Variants in TRAPPC9 observed in about 807,000 individuals in gnomAD.
The protein encoded by TRAPPC9 is trafficking protein particle complex subunit 9.
Under a neutral mutation model 124.0 loss-of-function variants are expected in TRAPPC9, and 83 were observed. That is an observed-to-expected ratio of 0.67 (90% CI 0.56 to 0.80). The LOEUF (loss-of-function observed/expected upper bound fraction) is 0.80, where lower values mean the gene tolerates loss of function less well. Among genes scored for constraint, TRAPPC9 ranks in the 30% least tolerant of loss-of-function variants. The probability of loss-of-function intolerance (pLI) is 0.00; values close to 1 mark genes in which losing one functional copy is unlikely to be tolerated. For synonymous variants in TRAPPC9, 638 were observed against 617.5 expected, an observed-to-expected ratio of 1.03 and a Z score of -0.49; for missense variants, 1,302 against 1,508.3, an observed-to-expected ratio of 0.86 and a Z score of 2.27.
At chr8:140,387,854 C>T (rs187674115) in intron 7 of TRAPPC9, among the ~76,000 whole-genome samples, 85 of 152,204 alleles carry the variant, frequency 5.6e-4, no homozygotes, top group Non-Finnish European at 1.1e-3. Flanking sequence ...TACCATTTGA[C>T]CCAGCCATAC....
chr8:139,829,340 G>A (rs978249548), intron 21 of TRAPPC9, among the ~76,000 whole-genome samples: 2 of 152,224 alleles, frequency 1.3e-5, no homozygotes, highest in African/African-American at 4.8e-5. Context: ...GGAAGCAGAC[G>A]ATAGGGATGT....
intron 21 of TRAPPC9, among the ~76,000 whole-genome samples, chr8:139,732,993 T>TG (rs951180643): frequency 3.3e-5 from 5 of 150,680 alleles, no homozygotes; most frequent in African/African-American, 1.2e-4. Context: ...CAGGGTGGGG[T>TG]GGGGGCGGAG....
intron 17 of TRAPPC9, among the ~76,000 whole-genome samples, chr8:140,133,851 A>G (rs187455336): frequency 1.3e-5 from 2 of 152,318 alleles, no homozygotes; most frequent in East Asian, 3.9e-4. Context: ...CAAAGAGGTA[A>G]AAGACTTGTA....
rs761930952 is a variant in TRAPPC9 at position 140,303,950 on chromosome 8, T to C, written c.1623-3336A>G. Among the ~76,000 whole-genome samples the C allele has an allele frequency of 3.9e-5, 6 of 152,210 alleles. No homozygotes were observed. The East Asian group carries it at 9.6e-4, about 24-fold the overall frequency. On this transcript the variant is annotated intron_variant, in intron 10 of 22. Transcript: ENST00000438773. ...TTCGTTTATGTTTAACGATTCTATA[T>C]AGCAGGTCTGATAATTTACTCACCA...
chr8:140,005,318 T>C (rs962562679), intron 18 of TRAPPC9, among the ~76,000 whole-genome samples: 1 of 152,180 alleles, frequency 6.6e-6, no homozygotes, highest in African/African-American at 2.4e-5. Flanking sequence ...CTGTGCAAGC[T>C]GAACCTGCAG....
intron 16 of TRAPPC9, among the ~76,000 whole-genome samples, chr8:140,236,906 G>C (rs1226499861): frequency 6.6e-6 from 1 of 152,196 alleles, no homozygotes. Flanking sequence ...TGTGGGCTGG[G>C]CGTGGTGGCT....
At chr8:140,299,540 C>A (rs575690527) in intron 11 of TRAPPC9, among the ~76,000 whole-genome samples, 7 of 152,258 alleles carry the variant, frequency 4.6e-5, no homozygotes, top group Non-Finnish European at 1.5e-5. Flanking sequence ...TCACACTCCT[C>A]GGAGGCCCCG....
At chr8:140,194,431 A>G (rs2062585378) in intron 17 of TRAPPC9, among the ~76,000 whole-genome samples, 1 of 152,232 alleles carries the variant, frequency 6.6e-6, no homozygotes, top group African/African-American at 2.4e-5. Context: ...AATGCTATGT[A>G]AATAGTTATA....
chr8:139,762,509 A>G (rs1365583372), intron 21 of TRAPPC9, among the ~76,000 whole-genome samples: 1 of 152,196 alleles, frequency 6.6e-6, no homozygotes, highest in Non-Finnish European at 1.5e-5. Flanking sequence ...AAACCTGTAC[A>G]GCGTGTGACT....
chr8:140,171,485 C>G (rs2061962477), intron 17 of TRAPPC9, among the ~76,000 whole-genome samples: 1 of 152,248 alleles, frequency 6.6e-6, no homozygotes, highest in Non-Finnish European at 1.5e-5. Flanking sequence ...AACATATCCT[C>G]TAAGTCATTG....
intron 9 of TRAPPC9, among the ~76,000 whole-genome samples, chr8:140,351,892 A>T (rs1327649091): frequency 6.6e-6 from 1 of 152,304 alleles, no homozygotes; most frequent in Non-Finnish European, 1.5e-5. Flanking sequence ...TATAATTCAC[A>T]TAGCAGTTGG....
chr8:140,458,406 C>A, upstream of TRAPPC9: 1 of 1,596,138 alleles, frequency 6.3e-7, no homozygotes, highest in Admixed American at 1.7e-5. Context: ...CCCCGTGACT[C>A]CCACGGTCGT....
chr8:139,874,305 G>A (rs1326438595), intron 21 of TRAPPC9, among the ~76,000 whole-genome samples: 2 of 152,270 alleles, frequency 1.3e-5, no homozygotes, highest in Non-Finnish European at 2.9e-5. Context: ...CCGATAGGAG[G>A]AGGATGGCCT....
At chr8:140,297,459 A>G (rs182755432) in intron 11 of TRAPPC9, among the ~76,000 whole-genome samples, 1 of 152,330 alleles carries the variant, frequency 6.6e-6, no homozygotes, top group South Asian at 2.1e-4. Flanking sequence ...ATACACACAA[A>G]TTCTAGAGTA....
chr8:139,934,152 T>A (rs1039189282), intron 19 of TRAPPC9, among the ~76,000 whole-genome samples: 2 of 152,152 alleles, frequency 1.3e-5, no homozygotes, highest in African/African-American at 4.8e-5. Flanking sequence ...TTCAACAAAA[T>A]GCTTTGTGTG....
Position 140,394,888 on chromosome 8 carries a change from G to A in TRAPPC9, c.1134+2732C>T, listed in dbSNP as rs554803728. On this transcript the variant is annotated intron_variant, in intron 7 of 22. Transcript: ENST00000438773. ...CTCAGCACTTAGAGCATCAGGCTCC[G>A]GGGCAGGGACCACATCCTCATTGGC... is the stretch of plus-strand genomic sequence containing the variant. Among the ~76,000 whole-genome samples, 845 of 152,248 alleles carry A rather than the reference G, an allele frequency of 5.6e-3. 5 individuals carry two copies. Among genetic ancestry groups the A allele is most frequent in the African/African-American group, 0.019 (782 of 41,544 alleles).
rs184610486 is a variant in TRAPPC9 at position 139,830,365 on chromosome 8, C to T, written c.3055+55514G>A. Among the ~76,000 whole-genome samples the T allele has an allele frequency of 2.7e-4, 41 of 151,766 alleles. 1 individual carries two copies. Among genetic ancestry groups the T allele is most frequent in the Non-Finnish European group, 4.3e-4 (29 of 67,944 alleles). On this transcript the variant is annotated intron_variant, in intron 21 of 22. Coordinates refer to ENST00000438773, the MANE Select transcript of TRAPPC9 (RefSeq NM_001160372.4). Reference sequence around the variant, plus strand: ...ACACACGCAATTACACATGCATACACGCTACACATACACACACATGCATAC... The same window carrying T: ...ACACACGCAATTACACATGCATACATGCTACACATACACACACATGCATAC...
intron 21 of TRAPPC9, among the ~76,000 whole-genome samples, chr8:139,813,181 AG>A (rs992224363): frequency 2.6e-5 from 4 of 152,214 alleles, no homozygotes; most frequent in African/African-American, 9.6e-5. Context: ...CATAAAGAGG[AG>A]GCAAACTAGG....
chr8:140,043,301 T>C (rs536971699), intron 17 of TRAPPC9, among the ~76,000 whole-genome samples: 13 of 152,234 alleles, frequency 8.5e-5, no homozygotes, highest in Non-Finnish European at 1.5e-4. Flanking sequence ...ACATCTCTTG[T>C]ACACTAAATT....
Sources: gnomAD v4.1 joint callset for allele counts (sites outside exome capture counted in the v4.1 genomes callset) on GRCh38, gnomAD v4.1.1 for gene constraint, MANE v1.5 for transcripts, NCBI Gene and HGNC (gene_info 2026-07-23, HGNC 2026-07-21) for gene names.